Variants in TSHZ2 observed in about 807,000 individuals in gnomAD.
TSHZ2 encodes the protein teashirt zinc finger homeobox 2.
A neutral mutation model predicts 74.4 loss-of-function variants in TSHZ2; 21 were observed. The ratio of observed to expected loss-of-function variants is 0.28; its 90% CI spans 0.20 to 0.41. The LOEUF (loss-of-function observed/expected upper bound fraction) is 0.41, where lower values mean the gene tolerates loss of function less well. TSHZ2 is among the 10% of genes least tolerant of loss of function. The pLI, the probability that TSHZ2 is intolerant of heterozygous loss-of-function variation, is 1.00. For synonymous variants in TSHZ2, 540 were observed against 515.3 expected (o/e 1.05, Z -0.65); for missense variants, 1,244 against 1,293.5 (o/e 0.96, Z 0.59).
chr20:53,273,269 C>G (rs1990875249), intron 2 of TSHZ2: 1 of 151,956 alleles, frequency 6.6e-6, no homozygotes, highest in Admixed American at 6.6e-5. Flanking sequence ...ATTGAAGCAG[C>G]TTGAACAGGC....
intron 2 of TSHZ2, among the ~76,000 whole-genome samples, chr20:53,417,278 A>ACACC (rs1491095962): frequency 2.4e-5 from 3 of 125,648 alleles, no homozygotes; most frequent in African/African-American, 8.7e-5. Context: ...ACACACACAC[A>ACACC]CCATAGTTTT....
At chr20:53,181,465 G>A (rs1988466265) in intron 1 of TSHZ2, among the ~76,000 whole-genome samples, 1 of 152,134 alleles carries the variant, frequency 6.6e-6, no homozygotes, top group South Asian at 2.1e-4. Flanking sequence ...CATCTCTCTT[G>A]AAAACAAATA....
At chr20:53,130,245 GAAAGA>G (rs374311292) in intron 1 of TSHZ2, among the ~76,000 whole-genome samples, 150 of 125,748 alleles carry the variant, frequency 1.2e-3, no homozygotes, top group Non-Finnish European at 1.7e-3. Context: ...AAAAAAAATA[GAAAGA>G]AAAGAAAAGA....
intron 1 of TSHZ2, among the ~76,000 whole-genome samples, chr20:53,207,115 G>T (rs1399202396): frequency 2.0e-5 from 3 of 152,160 alleles, no homozygotes; most frequent in Non-Finnish European, 4.4e-5. Flanking sequence ...AAATGATGCA[G>T]TTCAGAGGGA....
At chr20:53,321,940 C>A (rs1461141011) in intron 2 of TSHZ2, among the ~76,000 whole-genome samples, 1 of 152,016 alleles carries the variant, frequency 6.6e-6, no homozygotes, top group Non-Finnish European at 1.5e-5. Flanking sequence ...ACAAGAGGGC[C>A]GCCATCCCCT....
intron 1 of TSHZ2, among the ~76,000 whole-genome samples, chr20:53,163,458 T>TTTATTTTA (rs1987995408): frequency 7.2e-6 from 1 of 138,384 alleles, no homozygotes; most frequent in African/African-American, 3.4e-5. Flanking sequence ...TTTATTTTAT[T>TTTATTTTA]TTTTTTTATT....
intron 2 of TSHZ2, among the ~76,000 whole-genome samples, chr20:53,447,381 T>C (rs1984595293): frequency 6.6e-6 from 1 of 152,256 alleles, no homozygotes; most frequent in South Asian, 2.1e-4. Flanking sequence ...TTACACCTTT[T>C]ATTTTGAAAT....
At chr20:53,430,210 T>C (rs987383736) in intron 2 of TSHZ2, among the ~76,000 whole-genome samples, 2 of 152,066 alleles carry the variant, frequency 1.3e-5, no homozygotes, top group African/African-American at 2.4e-5. Flanking sequence ...GTTGAAGCGA[T>C]TCTCCTGCCT....
intron 1 of TSHZ2, among the ~76,000 whole-genome samples, chr20:53,220,189 A>C (rs1270036620): frequency 6.6e-6 from 1 of 152,218 alleles, no homozygotes; most frequent in Non-Finnish European, 1.5e-5. Context: ...GCCATGAAGG[A>C]ACAGATTTTA....
At chr20:53,281,765 C>A (rs992413390) in intron 2 of TSHZ2, among the ~76,000 whole-genome samples, 1 of 152,190 alleles carries the variant, frequency 6.6e-6, no homozygotes, top group Non-Finnish European at 1.5e-5. Context: ...GAAAGCCAAG[C>A]AAGTCCTAGC....
intron 1 of TSHZ2, among the ~76,000 whole-genome samples, chr20:53,242,445 A>T (rs1476521555): frequency 6.6e-6 from 1 of 152,188 alleles, no homozygotes; most frequent in African/African-American, 2.4e-5. Flanking sequence ...CAAAGGTGAG[A>T]TAAGAGATTA....
intron 2 of TSHZ2, among the ~76,000 whole-genome samples, chr20:53,346,202 C>T (rs371700007): frequency 1.3e-5 from 2 of 152,158 alleles, no homozygotes; most frequent in African/African-American, 4.8e-5. Flanking sequence ...CTGAGCGCTG[C>T]GATGATTTTG....
chr20:53,486,636 T>C (rs13042456), intron 2 of TSHZ2, among the ~76,000 whole-genome samples: 31,062 of 152,090 alleles, frequency 0.2, 3,334 homozygotes, highest in East Asian at 0.3. Flanking sequence ...GCCGTGATGA[T>C]GCCACTGCAC....
At chr20:53,052,427 G>A (rs181732697) in intron 1 of TSHZ2, among the ~76,000 whole-genome samples, 1 of 152,280 alleles carries the variant, frequency 6.6e-6, no homozygotes, top group Non-Finnish European at 1.5e-5. Context: ...AGGGATCTAG[G>A]TTATGTGCTC....
intron 2 of TSHZ2, among the ~76,000 whole-genome samples, chr20:53,357,778 C>A (rs1980900124): frequency 6.6e-6 from 1 of 152,162 alleles, no homozygotes; most frequent in South Asian, 2.1e-4. Flanking sequence ...CCCATGAAGT[C>A]CCTAGATCTT....
chr20:53,378,506 G>GC (rs1038626999), intron 2 of TSHZ2, among the ~76,000 whole-genome samples: 70 of 152,008 alleles, frequency 4.6e-4, no homozygotes, highest in African/African-American at 1.7e-3. Context: ...GTACTTTAAA[G>GC]CCCCAACAGG....
At chr20:53,095,815 G>A (rs1308869062) in intron 1 of TSHZ2, among the ~76,000 whole-genome samples, 1 of 152,046 alleles carries the variant, frequency 6.6e-6, no homozygotes, top group Non-Finnish European at 1.5e-5. Context: ...AGCCAAAACG[G>A]CCCCCAGTTG....
chr20:53,421,828 G>A (rs1485378736), intron 2 of TSHZ2, among the ~76,000 whole-genome samples: 7 of 151,306 alleles, frequency 4.6e-5, no homozygotes, highest in African/African-American at 7.3e-5. Flanking sequence ...GACTACAGGC[G>A]CCCGCCACCA....
chr20:53,391,878 G>C (rs981499837), intron 2 of TSHZ2, among the ~76,000 whole-genome samples: 1 of 152,186 alleles, frequency 6.6e-6, no homozygotes, highest in Non-Finnish European at 1.5e-5. Context: ...GGGAGGCAGA[G>C]GTTGCAGTGA....
Sources: allele counts gnomAD v4.1 joint callset (sites outside exome capture counted in the v4.1 genomes callset), GRCh38; gene constraint gnomAD v4.1.1; transcripts MANE v1.5; gene names NCBI Gene and HGNC (gene_info 2026-07-23, HGNC 2026-07-21).